The following RBFOX1 variants were observed in gnomAD, a reference collection of about 807,000 sequenced individuals.
RBFOX1 encodes RNA binding protein fox-1 homolog 1.
RBFOX1 carries 8 observed loss-of-function variants against 57.7 expected under a neutral mutation model. The observed-to-expected ratio is 0.14, with a 90% CI of 0.08 to 0.25. The LOEUF is 0.25. Among genes scored for constraint, RBFOX1 ranks in the 10% least tolerant of loss-of-function variants. RBFOX1 has a pLI of 1.00. For missense variants in RBFOX1, 611 were observed against 548.5 expected (o/e 1.11, Z -1.14); for synonymous variants, 326 against 222.4 (o/e 1.47, Z -4.15).
chr16:5,863,241 G>A (rs892623079), intron 3 of RBFOX1, among the ~76,000 whole-genome samples: 1 of 152,174 alleles, frequency 6.6e-6, no homozygotes, highest in African/African-American at 2.4e-5. Flanking sequence ...AGGAGAGGAA[G>A]GGAAATGATT....
intron 4 of RBFOX1, among the ~76,000 whole-genome samples, chr16:7,231,530 C>G (rs935729514): frequency 6.6e-6 from 1 of 152,142 alleles, no homozygotes; most frequent in African/African-American, 2.4e-5. Context: ...CAAACCCATT[C>G]CCAGTTAGAT....
chr16:6,099,109 A>G (rs571931805), intron 1 of RBFOX1, among the ~76,000 whole-genome samples: 11 of 152,310 alleles, frequency 7.2e-5, no homozygotes, highest in Non-Finnish European at 1.5e-4. Context: ...CACATTTTAG[A>G]ATTTGAAAAT....
At chr16:5,390,647 C>T (rs181696939) in intron 1 of RBFOX1, among the ~76,000 whole-genome samples, 51 of 152,144 alleles carry the variant, frequency 3.4e-4, no homozygotes, top group African/African-American at 1.2e-3. Context: ...TTTAGCCAGG[C>T]GAATCTCCCT....
intron 4 of RBFOX1, among the ~76,000 whole-genome samples, chr16:7,332,307 G>A (rs775639756): frequency 2.6e-5 from 4 of 152,172 alleles, no homozygotes; most frequent in Non-Finnish European, 5.9e-5. Flanking sequence ...TACATAACAC[G>A]TGTAAATAAT....
intron 4 of RBFOX1, among the ~76,000 whole-genome samples, chr16:7,463,979 T>A (rs987280579): frequency 1.3e-5 from 2 of 152,196 alleles, no homozygotes; most frequent in Admixed American, 1.3e-4. Flanking sequence ...CCTGGGTGAC[T>A]CAGAAGGAAA....
intron 1 of RBFOX1, among the ~76,000 whole-genome samples, chr16:5,433,388 A>G (rs1020920569): frequency 2.0e-5 from 3 of 152,160 alleles, no homozygotes; most frequent in African/African-American, 7.2e-5. Context: ...TTGAAGCCAC[A>G]TGCGTGCTGC....
intron 5 of RBFOX1, among the ~76,000 whole-genome samples, chr16:7,538,315 A>G (rs887251925): frequency 6.6e-6 from 1 of 152,126 alleles, no homozygotes; most frequent in African/African-American, 2.4e-5. Flanking sequence ...TGTGCTGTCC[A>G]TCTGCCCCAT....
chr16:7,197,268 G>A (rs1177863354), intron 4 of RBFOX1, among the ~76,000 whole-genome samples: 1 of 152,116 alleles, frequency 6.6e-6, no homozygotes, highest in Admixed American at 6.5e-5. Flanking sequence ...CTGTGGCTCT[G>A]AGCAGCTATT....
chr16:5,418,586 A>T (rs1436740371), intron 1 of RBFOX1, among the ~76,000 whole-genome samples: 1 of 151,614 alleles, frequency 6.6e-6, no homozygotes, highest in African/African-American at 2.4e-5. Flanking sequence ...TGGAATGTGA[A>T]CCAGTTTATG....
intron 3 of RBFOX1, among the ~76,000 whole-genome samples, chr16:7,007,075 C>G (rs1035022204): frequency 1.3e-5 from 2 of 152,166 alleles, no homozygotes; most frequent in Admixed American, 6.5e-5. Flanking sequence ...GTGAGTTTTT[C>G]TCAACGCTGA....
intron 1 of RBFOX1, among the ~76,000 whole-genome samples, chr16:6,077,074 G>C (rs1383970586): frequency 1.3e-5 from 2 of 152,198 alleles, no homozygotes. Context: ...CGTAAGCCTA[G>C]ATGGGTAATC....
At chr16:5,816,999 C>T (rs979568798) in intron 3 of RBFOX1, among the ~76,000 whole-genome samples, 1 of 152,128 alleles carries the variant, frequency 6.6e-6, no homozygotes, top group Admixed American at 6.5e-5. Context: ...GTCAGTCTCT[C>T]CTCTCATGCA....
chr16:7,118,212 T>C (rs1003385317), intron 4 of RBFOX1, among the ~76,000 whole-genome samples: 1 of 152,176 alleles, frequency 6.6e-6, no homozygotes, highest in Non-Finnish European at 1.5e-5. Context: ...ACCAGCAGCA[T>C]ATAAGAGTCC....
At chr16:5,530,736 C>A (rs2044433548) in intron 2 of RBFOX1, among the ~76,000 whole-genome samples, 1 of 151,990 alleles carries the variant, frequency 6.6e-6, no homozygotes, top group African/African-American at 2.4e-5. Flanking sequence ...CAGAACATCC[C>A]TTGAGGGGCA....
chr16:6,513,666 G>T (rs943247956), intron 2 of RBFOX1, among the ~76,000 whole-genome samples: 2 of 152,076 alleles, frequency 1.3e-5, no homozygotes, highest in African/African-American at 4.8e-5. Context: ...CTTGGGAGGC[G>T]GAGGTTGTAG....
At chr16:6,600,578 C>T (rs946458543) in intron 2 of RBFOX1, among the ~76,000 whole-genome samples, 6 of 152,050 alleles carry the variant, frequency 3.9e-5, no homozygotes, top group South Asian at 4.2e-4. Flanking sequence ...TACAAAAGAC[C>T]GTTAATATTA....
intron 2 of RBFOX1, among the ~76,000 whole-genome samples, chr16:5,511,750 A>G (rs2043600823): frequency 6.6e-6 from 1 of 152,190 alleles, no homozygotes; most frequent in Non-Finnish European, 1.5e-5. Context: ...TCCAGCATTG[A>G]ACCTCCTATT....
At chr16:6,576,852 A>G (rs1430544070) in intron 2 of RBFOX1, 2 of 152,210 alleles carry the variant, frequency 1.3e-5, no homozygotes, top group African/African-American at 2.4e-5. Flanking sequence ...TGAAAATACT[A>G]AAGGATACAG....
At chr16:6,840,660 T>C (rs766372057) in intron 3 of RBFOX1, among the ~76,000 whole-genome samples, 2 of 151,772 alleles carry the variant, frequency 1.3e-5, no homozygotes, top group Non-Finnish European at 2.9e-5. Context: ...AGGCCGAGGC[T>C]GGTGGATCAT....
Sources: allele counts gnomAD v4.1 joint callset (sites outside exome capture counted in the v4.1 genomes callset), GRCh38; gene constraint gnomAD v4.1.1; transcripts MANE v1.5; gene names NCBI Gene and HGNC (gene_info 2026-07-23, HGNC 2026-07-21).